SLIT3: variants seen among roughly 807,000 people sequenced by gnomAD.
SLIT3 encodes the protein slit homolog 3 protein.
SLIT3 carries 68 observed loss-of-function variants against 184.0 expected under a neutral mutation model. The observed-to-expected ratio is 0.37, with a 90% CI of 0.30 to 0.45. The LOEUF is 0.45. SLIT3 is among the 20% of genes least tolerant of loss of function. The pLI is 1.00. For missense variants in SLIT3, 1,707 were observed against 2,026.0 expected (o/e 0.84, Z 3.02); for synonymous variants, 831 against 828.6 (o/e 1.00, Z -0.05).
intron 4 of SLIT3, among the ~76,000 whole-genome samples, chr5:169,079,846 AGGAGGAGGGAGGG>A: frequency 1.0e-5 from 1 of 95,540 alleles, no homozygotes; most frequent in African/African-American, 4.0e-5. Flanking sequence ...GGGAGGGAGG[AGGAGGAGGGAGGG>A]AGGAGGAAAG....
intron 4 of SLIT3, among the ~76,000 whole-genome samples, chr5:168,886,184 T>TTCC (rs1181113523): frequency 1.3e-5 from 2 of 152,210 alleles, no homozygotes; most frequent in Non-Finnish European, 2.9e-5. Flanking sequence ...TCCATTGAGC[T>TTCC]TCCCTTCTCC....
chr5:168,842,469 G>GTTTTTTTTTTTTTTTTT lies in SLIT3; in HGVS notation c.557+2098_557+2114dup, dbSNP rs778998998. Among the ~76,000 whole-genome samples the GTTTTTTTTTTTTTTTTT allele has an allele frequency of 2.1e-3, 189 of 88,056 alleles. 11 individuals carry two copies. The highest frequency in any genetic ancestry group is 6.3e-3 in the African/African-American group (131 of 20,840). 57.8% of individuals were successfully genotyped at this position (88,056 alleles called of 152,430 possible). On this transcript the variant is annotated intron_variant, in intron 6 of 35. Transcript: ENST00000519560. ...TGGTGCATCTGGATACCGTTTTTTC[G>GTTTTTTTTTTTTTTTTT]TTTTTTTTTTTTTTTTTTGTATCTG... is the stretch of plus-strand genomic sequence containing the variant.
intron 20 of SLIT3, among the ~76,000 whole-genome samples, chr5:168,735,657 T>C (rs1003951038): frequency 1.7e-5 from 2 of 114,644 alleles, no homozygotes; most frequent in Admixed American, 1.9e-4. Flanking sequence ...TATAGACAGA[T>C]AGATACACAC....
chr5:168,959,529 AAC>A (rs968416360), intron 4 of SLIT3, among the ~76,000 whole-genome samples: 9 of 152,160 alleles, frequency 5.9e-5, no homozygotes, highest in East Asian at 1.9e-4. Flanking sequence ...AGAAAAAGCA[AAC>A]ACAGTGTCAG....
chr5:168,681,879 C>T (rs1267659285), intron 32 of SLIT3, among the ~76,000 whole-genome samples: 1 of 152,220 alleles, frequency 6.6e-6, no homozygotes, highest in Non-Finnish European at 1.5e-5. Flanking sequence ...CAAGCACTTC[C>T]TCCAGTGTTA....
intron 8 of SLIT3, among the ~76,000 whole-genome samples, chr5:168,809,878 C>T (rs1163485168): frequency 6.6e-6 from 1 of 152,140 alleles, no homozygotes; most frequent in Non-Finnish European, 1.5e-5. Context: ...AGTGCCTGGC[C>T]TCTGGTAGGT....
chr5:169,109,122 G>A (rs774351943), intron 4 of SLIT3, among the ~76,000 whole-genome samples: 1 of 152,186 alleles, frequency 6.6e-6, no homozygotes, highest in Non-Finnish European at 1.5e-5. Flanking sequence ...GGCAGTAGGA[G>A]GTCACTCCCA....
chr5:169,073,910 G>A (rs1218196722), intron 4 of SLIT3, among the ~76,000 whole-genome samples: 1 of 152,174 alleles, frequency 6.6e-6, no homozygotes, highest in African/African-American at 2.4e-5. Flanking sequence ...GTGCAATGCA[G>A]CTGGACAATA....
chr5:168,865,196 G>C (rs200109887), intron 5 of SLIT3, among the ~76,000 whole-genome samples: 1 of 107,774 alleles, frequency 9.3e-6, no homozygotes, highest in African/African-American at 3.6e-5. Flanking sequence ...AAAAAAAAAA[G>C]AACATGGATA....
chr5:169,177,524 A>G (rs1581021112), intron 4 of SLIT3, among the ~76,000 whole-genome samples: 1 of 152,286 alleles, frequency 6.6e-6, no homozygotes, highest in East Asian at 1.9e-4. Flanking sequence ...AGCTGCAGGT[A>G]AATGAGTTAT....
At chr5:169,170,138 T>C (rs1396569062) in intron 4 of SLIT3, among the ~76,000 whole-genome samples, 1 of 152,194 alleles carries the variant, frequency 6.6e-6, no homozygotes, top group Admixed American at 6.5e-5. Context: ...GAAGATCAAC[T>C]GATCACACTG....
chr5:169,224,638 G>A (rs969595728), intron 3 of SLIT3, among the ~76,000 whole-genome samples: 2 of 151,966 alleles, frequency 1.3e-5, no homozygotes, highest in Non-Finnish European at 2.9e-5. Context: ...AAAGTGTTGG[G>A]ATTACAGACA....
intron 5 of SLIT3, among the ~76,000 whole-genome samples, chr5:168,851,522 T>G (rs1210120803): frequency 6.6e-6 from 1 of 152,136 alleles, no homozygotes; most frequent in African/African-American, 2.4e-5. Context: ...CCAGCAACTT[T>G]TAGACGAGGG....
intron 8 of SLIT3, among the ~76,000 whole-genome samples, chr5:168,810,009 C>T (rs1394279467): frequency 6.6e-6 from 1 of 152,176 alleles, no homozygotes; most frequent in Admixed American, 6.5e-5. Context: ...TCACCTGGGG[C>T]CCCTCTGAGC....
chr5:169,300,666 C>T lies in SLIT3; in HGVS notation c.44G>A (p.Arg15His). The change falls in exon 1 of 36, where the codon CGC (arginine) becomes CAC (histidine). Residue 15 changes from arginine to histidine, a missense_variant. Physicochemically the swap from Arg to His is conservative, Grantham distance 29. Around this residue, in one of 3 missense-constraint regions of SLIT3, gnomAD observed 1,307 missense variants for 1,511.6 expected, o/e 0.86. Transcript: ENST00000519560. This position sits in a 1 kb window ranked among gnomAD's most constrained non-coding sequence, Gnocchi z 4.1. The part of the protein sequence containing the change: ...WAGVGAAVRA[R>H]LALALALASV... ...CGCCAGCGCCAAGGCCAGCGCCAGG[C>T]GGGCGCGCACGGCGGCGCCGACCCC... 14 of 1,414,150 alleles carry T rather than the reference C, an allele frequency of 9.9e-6. No homozygotes were observed. The highest frequency in any genetic ancestry group is 1.3e-5 in the Non-Finnish European group (14 of 1,092,376). 87.6% of individuals were successfully genotyped at this position (1,414,150 alleles called of 1,614,324 possible).
chr5:169,095,002 C>T (rs1759727151), intron 4 of SLIT3, among the ~76,000 whole-genome samples: 1 of 152,174 alleles, frequency 6.6e-6, no homozygotes, highest in African/African-American at 2.4e-5. Context: ...CGGTCACCAC[C>T]TTAAACCACA....
At chr5:168,900,728 T>C (rs560116489) in intron 4 of SLIT3, among the ~76,000 whole-genome samples, 1 of 152,290 alleles carries the variant, frequency 6.6e-6, no homozygotes, top group South Asian at 2.1e-4. Flanking sequence ...CATTAATGGA[T>C]GATTGGGTAA....
chr5:169,052,246 T>C (rs902084870), intron 4 of SLIT3, among the ~76,000 whole-genome samples: 1 of 152,214 alleles, frequency 6.6e-6, no homozygotes, highest in Admixed American at 6.5e-5. Flanking sequence ...ATTTTTTTCT[T>C]TCTTTTCCTG....
chr5:169,232,030 A>G (rs1429853716), intron 3 of SLIT3, among the ~76,000 whole-genome samples: 3 of 152,186 alleles, frequency 2.0e-5, no homozygotes, highest in Non-Finnish European at 4.4e-5. Context: ...ATTGATTTGT[A>G]GGAGTTCTTC....
Sources: gnomAD v4.1 joint callset for allele counts (sites outside exome capture counted in the v4.1 genomes callset) on GRCh38, gnomAD v4.1.1 for gene constraint, gnomAD v4.1.1 regional missense constraint, Gnocchi (gnomAD v3.1) non-coding constraint, MANE v1.5 for transcripts, NCBI Gene and HGNC (gene_info 2026-07-23, HGNC 2026-07-21) for gene names.